The following CAST variants were observed in gnomAD, a reference collection of about 807,000 sequenced individuals.
CAST encodes MIR583 host.
CAST carries 76 observed loss-of-function variants against 119.6 expected under a neutral mutation model. The ratio of observed to expected loss-of-function variants is 0.64; its 90% CI spans 0.53 to 0.77. The LOEUF (loss-of-function observed/expected upper bound fraction) is 0.77. Among genes scored for constraint, CAST ranks in the 30% least tolerant of loss-of-function variants. The probability of loss-of-function intolerance (pLI) is 0.00; values close to 1 mark genes in which losing one functional copy is unlikely to be tolerated. For synonymous variants in CAST, 319 were observed against 331.6 expected (o/e 0.96, Z 0.41); for missense variants, 953 against 946.5 (o/e 1.01, Z -0.09).
At chr5:96,441,940 T>C in the CAST span, among the ~76,000 whole-genome samples, 1 of 152,190 alleles carries the variant, frequency 6.6e-6, no homozygotes, top group African/African-American at 2.4e-5. Context: ...GCCATGATTG[T>C]AGGAGTATAA....
chr5:96,626,282 A>G (rs1267687870), intron 1 of CAST, among the ~76,000 whole-genome samples: 2 of 152,166 alleles, frequency 1.3e-5, no homozygotes, highest in East Asian at 3.9e-4. Context: ...GTCCACCATG[A>G]TGACCTGATT....
At chr5:96,238,366 C>CTTCTTCATCTT in the CAST span, among the ~76,000 whole-genome samples, 197 of 23,196 alleles carry the variant, frequency 8.5e-3, 1 homozygote, top group African/African-American at 0.02. Context: ...TTCTTCTTCT[C>CTTCTTCATCTT]CTTCTTCTCC....
At chr5:96,362,123 G>A in the CAST span, among the ~76,000 whole-genome samples, 6 of 151,944 alleles carry the variant, frequency 3.9e-5, no homozygotes, top group Non-Finnish European at 7.4e-5. Flanking sequence ...TGAGAATGAT[G>A]GTTTCCAGCT....
chr5:96,350,419 A>T, the CAST span, among the ~76,000 whole-genome samples: 1 of 152,120 alleles, frequency 6.6e-6, no homozygotes, highest in Non-Finnish European at 1.5e-5. Flanking sequence ...AGGTGAGCAG[A>T]GGGAGGACAA....
At chr5:96,464,075 G>A in the CAST span, among the ~76,000 whole-genome samples, 1 of 152,116 alleles carries the variant, frequency 6.6e-6, no homozygotes, top group South Asian at 2.1e-4. Flanking sequence ...AGAAACATGT[G>A]TGATAGATTT....
chr5:95,980,586 C>G, the CAST span: 35 of 152,158 alleles, frequency 2.3e-4, no homozygotes, highest in Admixed American at 1.0e-3. Context: ...CACAGTCTTT[C>G]CCTCAACCTA....
Position 96,698,211 on chromosome 5 carries a change from G to A in CAST, c.210+2304G>A, listed in dbSNP as rs544134889. On this transcript the variant is annotated intron_variant, in intron 3 of 31. Transcript: ENST00000675179. ...CCTTTCCATGTTTCTTTTTTTTAAC[G>A]TAGAAGTTACCCTATTTTTCTGAGA... 5.3e-5 allele frequency among the ~76,000 whole-genome samples: 8 copies of A among 151,950 alleles called. 1 individual carries two copies. The highest frequency in any genetic ancestry group is 1.9e-4 in the African/African-American group (8 of 41,428).
the CAST span, among the ~76,000 whole-genome samples, chr5:96,082,607 A>G: frequency 2.0e-5 from 3 of 152,224 alleles, no homozygotes; most frequent in Non-Finnish European, 2.9e-5. Context: ...TGCTTCCAAA[A>G]TGAAAAGCAG....
At chr5:96,721,876 T>G (rs1758324362) in intron 3 of CAST, among the ~76,000 whole-genome samples, 1 of 152,118 alleles carries the variant, frequency 6.6e-6, no homozygotes, top group African/African-American at 2.4e-5. Flanking sequence ...GGAAGGGTGT[T>G]CCTTGAATAG....
At chr5:96,175,541 G>C in the CAST span, among the ~76,000 whole-genome samples, 1 of 152,198 alleles carries the variant, frequency 6.6e-6, no homozygotes, top group Admixed American at 6.5e-5. Flanking sequence ...ATCTCAAAGA[G>C]ATAGACATGT....
At chr5:96,285,966 C>T in the CAST span, among the ~76,000 whole-genome samples, 1 of 152,222 alleles carries the variant, frequency 6.6e-6, no homozygotes, top group African/African-American at 2.4e-5. Context: ...TAGCAAATCA[C>T]TCCATTCTCC....
intron 2 of CAST, among the ~76,000 whole-genome samples, chr5:96,693,371 A>G (rs1432483390): frequency 2.6e-5 from 4 of 152,248 alleles, no homozygotes; most frequent in East Asian, 1.9e-4. Context: ...CCAAAATACA[A>G]ATTTTTAAAT....
At chr5:96,475,472 T>G in the CAST span, among the ~76,000 whole-genome samples, 1 of 152,188 alleles carries the variant, frequency 6.6e-6, no homozygotes, top group African/African-American at 2.4e-5. Flanking sequence ...GAAAGAAACC[T>G]GGGTATTGAT....
At position 96,741,559 on chromosome 5, in the gene CAST, GAAGAA is replaced by G; in HGVS notation, c.1084_1088del (p.Arg362GlyfsTer8). ...TCAGAAGTGCTGCTCCACCCCAAGA[GAAGAA>G]AAGAAAGGTGGAGAAGGTATAGTCA... On this transcript the variant is annotated frameshift_variant, in exon 15 of 32. Transcript: ENST00000675179. LOFTEE classifies it high-confidence loss of function. 1 of 1,613,158 alleles carries G rather than the reference GAAGAA, an allele frequency of 6.2e-7. No homozygotes were observed. The highest frequency in any genetic ancestry group is 8.5e-7 in the Non-Finnish European group (1 of 1,179,166).
the CAST span, among the ~76,000 whole-genome samples, chr5:96,172,571 T>C: frequency 6.6e-6 from 1 of 152,232 alleles, no homozygotes; most frequent in East Asian, 1.9e-4. Flanking sequence ...AGCTGCTACT[T>C]CTAGTGTTGG....
the CAST span, among the ~76,000 whole-genome samples, chr5:96,237,595 G>C: frequency 2.1e-3 from 312 of 152,118 alleles, 1 homozygote; most frequent in Admixed American, 5.8e-3. Flanking sequence ...CTTTGCCAAA[G>C]CTTTACATTG....
intron 1 of CAST, among the ~76,000 whole-genome samples, chr5:96,626,771 C>T (rs984834623): frequency 2.6e-5 from 4 of 152,174 alleles, no homozygotes; most frequent in African/African-American, 7.2e-5. Context: ...TTAAACAAAG[C>T]AGAAACTATG....
the CAST span, among the ~76,000 whole-genome samples, chr5:96,072,425 T>C: frequency 6.6e-6 from 1 of 152,202 alleles, no homozygotes; most frequent in Non-Finnish European, 1.5e-5. Context: ...CTTAAATGTC[T>C]TCTAAGTGAC....
Position 96,768,072 on chromosome 5 carries a change from TATTG to T in CAST, c.2268+80_2268+83del, listed in dbSNP as rs1770669870. The T allele has an allele frequency of 6.2e-6, 6 of 966,212 alleles. No homozygotes were observed. In the East Asian group the frequency reaches 7.4e-5, roughly 12 times the overall value. The allele number at this position is 966,212 out of a possible 1,614,324, so 59.9% of individuals were successfully genotyped here. The stretch of plus-strand genomic sequence containing the variant: ...TGTGTACATACATATAAGTTTTATT[TATTG>T]ATTGATCTATCTATCGGTCTGTCTT... On this transcript the variant is annotated intron_variant, in intron 29 of 31. Coordinates refer to ENST00000675179, the MANE Select transcript of CAST (RefSeq NM_001750.7).
Sources: gnomAD v4.1 joint callset for allele counts (sites outside exome capture counted in the v4.1 genomes callset) on GRCh38, gnomAD v4.1.1 for gene constraint, MANE v1.5 for transcripts, NCBI Gene and HGNC (gene_info 2026-07-23, HGNC 2026-07-21) for gene names.